The following GLIS3 variants were observed in gnomAD, a reference collection of about 807,000 sequenced individuals.
GLIS3 encodes zinc finger protein GLIS3.
In GLIS3, 53 loss-of-function variants were observed where a neutral mutation model predicts 78.6. The ratio of observed to expected loss-of-function variants is 0.67; its 90% confidence interval spans 0.54 to 0.85. The LOEUF is 0.85. Among genes scored for constraint, GLIS3 ranks in the 40% least tolerant of loss-of-function variants. GLIS3 has a pLI of 0.00. For missense variants in GLIS3, 1,703 were observed against 1,231.1 expected, an observed-to-expected ratio of 1.38 and a Z score of -5.74; for synonymous variants, 684 against 509.9, an observed-to-expected ratio of 1.34 and a Z score of -4.60.
At chr9:4,195,510 T>G (rs1459154547) in intron 2 of GLIS3, among the ~76,000 whole-genome samples, 1 of 152,184 alleles carries the variant, frequency 6.6e-6, no homozygotes, top group East Asian at 1.9e-4. Flanking sequence ...GCTCGAATTC[T>G]CGCCGGGCCT....
Position 3,929,472 on chromosome 9 carries a change from T to A in GLIS3, c.1983+2888A>T, listed in dbSNP as rs545017958. Among the ~76,000 whole-genome samples, 5 of 152,288 alleles carry A rather than the reference T, an allele frequency of 3.3e-5. No homozygotes were observed. The South Asian group carries it at 8.3e-4, about 25-fold the overall frequency. ...GTGCCCACGGTCAGGGCATCACTTA[T>A]GAGATCCCGACCCCTCCTCACATGA... On this transcript the variant is annotated intron_variant, in intron 6 of 10. Transcript: ENST00000381971.
intron 8 of GLIS3, among the ~76,000 whole-genome samples, chr9:3,861,179 G>C (rs1425354305): frequency 6.6e-6 from 1 of 152,196 alleles, no homozygotes; most frequent in African/African-American, 2.4e-5. Context: ...AGCTGTGTAA[G>C]ACTGTGGTCC....
At chr9:4,025,728 T>G (rs1237814655) in intron 4 of GLIS3, among the ~76,000 whole-genome samples, 1 of 152,160 alleles carries the variant, frequency 6.6e-6, no homozygotes. Flanking sequence ...ATCATGAGTC[T>G]CACATAATTA....
At position 4,094,342 on chromosome 9, in the gene GLIS3, C is replaced by T. The variant is rs74839282; in HGVS notation, c.1710+23426G>A. ...ATATGTGGCTAGTGAGAGTGCAAATCAGTACAATCTCCTATGTTAGTGAAA... is the reference window on the plus strand; with the variant it reads ...ATATGTGGCTAGTGAGAGTGCAAATTAGTACAATCTCCTATGTTAGTGAAA... On this transcript the variant is annotated intron_variant, in intron 4 of 10. Transcript: ENST00000381971. 2.3e-3 allele frequency among the ~76,000 whole-genome samples: 347 copies of T among 152,318 alleles called. 1 individual carries two copies. The highest frequency in any genetic ancestry group is 8.0e-3 in the African/African-American group (331 of 41,576).
intron 4 of GLIS3, among the ~76,000 whole-genome samples, chr9:3,952,149 G>A (rs1156332671): frequency 6.6e-6 from 1 of 152,048 alleles, no homozygotes; most frequent in Non-Finnish European, 1.5e-5. Flanking sequence ...GACTTTTGGT[G>A]TTTATTATTT....
At chr9:4,327,259 G>A (rs1563934077) in intron 2 of GLIS3, among the ~76,000 whole-genome samples, 1 of 152,164 alleles carries the variant, frequency 6.6e-6, no homozygotes, top group African/African-American at 2.4e-5. Flanking sequence ...GAGAGCAGAG[G>A]GAGGTGGGCA....
chr9:3,837,821 C>T (rs1211140948), intron 9 of GLIS3, among the ~76,000 whole-genome samples: 1 of 152,162 alleles, frequency 6.6e-6, no homozygotes, highest in Non-Finnish European at 1.5e-5. Context: ...ATGATGCTAC[C>T]ATGGTGGATA....
intron 6 of GLIS3, among the ~76,000 whole-genome samples, chr9:3,907,535 C>G (rs748191094): frequency 6.6e-5 from 10 of 151,736 alleles, no homozygotes; most frequent in Non-Finnish European, 1.3e-4. Context: ...TGCCGCCCCT[C>G]AGCTTTGGTG....
intron 4 of GLIS3, among the ~76,000 whole-genome samples, chr9:4,040,003 A>C (rs1824664759): frequency 6.6e-6 from 1 of 152,226 alleles, no homozygotes; most frequent in African/African-American, 2.4e-5. Context: ...AGGAGAGCCA[A>C]GAGAAGTCCT....
chr9:4,257,219 G>A (rs1052265445), intron 2 of GLIS3, among the ~76,000 whole-genome samples: 2 of 152,080 alleles, frequency 1.3e-5, no homozygotes, highest in African/African-American at 4.8e-5. Flanking sequence ...AGGATATTAT[G>A]CTAAGTATAA....
intron 2 of GLIS3, among the ~76,000 whole-genome samples, chr9:4,140,063 A>G (rs916936679): frequency 7.9e-5 from 12 of 152,204 alleles, no homozygotes; most frequent in Admixed American, 3.3e-4. Context: ...TGTAAAAGGC[A>G]TATCTTACAT....
chr9:3,951,882 A>ACACACACACACACACACACACACG (rs756794557), intron 4 of GLIS3, among the ~76,000 whole-genome samples: 2 of 147,414 alleles, frequency 1.4e-5, no homozygotes, highest in Non-Finnish European at 3.0e-5. Context: ...ACACACACAC[A>ACACACACACACACACACACACACG]CACGCACGCA....
intron 6 of GLIS3, among the ~76,000 whole-genome samples, chr9:3,928,334 G>A (rs773534558): frequency 6.6e-6 from 1 of 152,156 alleles, no homozygotes; most frequent in Non-Finnish European, 1.5e-5. Flanking sequence ...CAAAATCTGG[G>A]GTGGCCCTGA....
intron 4 of GLIS3, among the ~76,000 whole-genome samples, chr9:4,076,118 T>C (rs1828032022): frequency 6.6e-6 from 1 of 152,220 alleles, no homozygotes; most frequent in Non-Finnish European, 1.5e-5. Flanking sequence ...ATATTTACAC[T>C]CTATTTAATG....
chr9:4,158,755 A>G (rs1184535158), intron 2 of GLIS3, among the ~76,000 whole-genome samples: 3 of 152,216 alleles, frequency 2.0e-5, no homozygotes, highest in South Asian at 2.1e-4. Context: ...TGTAGTGGTG[A>G]GAGAATATAC....
At chr9:4,004,842 A>C (rs934498753) in intron 4 of GLIS3, among the ~76,000 whole-genome samples, 1 of 152,200 alleles carries the variant, frequency 6.6e-6, no homozygotes, top group Admixed American at 6.5e-5. Context: ...TAAACTTTAG[A>C]ATATGGACTT....
chr9:4,386,812 G>A, the GLIS3 span, among the ~76,000 whole-genome samples: 1 of 152,278 alleles, frequency 6.6e-6, no homozygotes, highest in Non-Finnish European at 1.5e-5. Flanking sequence ...TATGTTCCCT[G>A]CCTCCAGACC....
At chr9:4,063,836 G>A (rs1394427214) in intron 4 of GLIS3, among the ~76,000 whole-genome samples, 2 of 152,160 alleles carry the variant, frequency 1.3e-5, no homozygotes, top group East Asian at 3.8e-4. Context: ...ATTAAAAAGT[G>A]AAGGTATAAT....
At chr9:4,090,213 T>C (rs1160387610) in intron 4 of GLIS3, among the ~76,000 whole-genome samples, 1 of 152,106 alleles carries the variant, frequency 6.6e-6, no homozygotes, top group African/African-American at 2.4e-5. Flanking sequence ...ACTGTCCTCA[T>C]TATCTTTTGG....
Sources: gnomAD v4.1 joint callset for allele counts (sites outside exome capture counted in the v4.1 genomes callset) on GRCh38, gnomAD v4.1.1 for gene constraint, MANE v1.5 for transcripts, NCBI Gene and HGNC (gene_info 2026-07-23, HGNC 2026-07-21) for gene names.